The following RAI14 variants were observed in gnomAD, a reference collection of about 807,000 sequenced individuals.
RAI14 encodes retinoic acid induced 14.
In RAI14, 45 loss-of-function variants were observed where a neutral mutation model predicts 115.4. The observed-to-expected ratio is 0.39, with a 90% CI of 0.31 to 0.50. The LOEUF is 0.50. RAI14 is among the 20% of genes least tolerant of loss of function. The pLI, the probability that RAI14 is intolerant of heterozygous loss-of-function variation, is 0.85. For missense variants in RAI14, 939 were observed against 1,131.2 expected, an observed-to-expected ratio of 0.83 and a Z score of 2.44; for synonymous variants, 371 against 415.4, an observed-to-expected ratio of 0.89 and a Z score of 1.30.
At chr5:34,734,121 C>T (rs1192650600) in intron 2 of RAI14, among the ~76,000 whole-genome samples, 2 of 152,230 alleles carry the variant, frequency 1.3e-5, no homozygotes, top group East Asian at 1.9e-4. Context: ...AACCTACTGC[C>T]TTAGCAGATG....
chr5:34,804,729 C>A (rs1040915333), intron 5 of RAI14, among the ~76,000 whole-genome samples: 2 of 152,156 alleles, frequency 1.3e-5, no homozygotes, highest in African/African-American at 2.4e-5. Context: ...AGATTAATGT[C>A]TGTGATGTTG....
intron 2 of RAI14, among the ~76,000 whole-genome samples, chr5:34,720,688 G>T (rs1029688228): frequency 6.6e-6 from 1 of 151,938 alleles, no homozygotes; most frequent in African/African-American, 2.4e-5. Flanking sequence ...GGGATTACAG[G>T]CGTGAGCCAC....
intron 2 of RAI14, among the ~76,000 whole-genome samples, chr5:34,692,079 A>G (rs1738672038): frequency 6.6e-6 from 1 of 152,156 alleles, no homozygotes; most frequent in African/African-American, 2.4e-5. Context: ...CCTGGCCAAC[A>G]TGGCAAAACC....
chr5:34,832,381 A>G lies in RAI14; in HGVS notation c.*1616A>G, dbSNP rs1758077056. 6.5e-6 allele frequency: 1 copy of G among 152,696 alleles called. No individual in the cohort carries two copies. 9.5% of individuals were successfully genotyped at this position (152,696 alleles called of 1,614,324 possible). A position where few individuals can be genotyped will look rare whatever the true frequency, so the allele number is the denominator to read the frequency against. ...AGGACCTTTTGTCACAGCACTTCAG[A>G]AAATACACAACAGCCCCTTCTGCCC... On this transcript the variant is annotated 3_prime_UTR_variant, in exon 18 of 18. Coordinates refer to ENST00000265109, the MANE Select transcript of RAI14 (RefSeq NM_015577.3).
intron 3 of RAI14, among the ~76,000 whole-genome samples, chr5:34,793,594 G>A (rs755334832): frequency 4.6e-5 from 7 of 152,046 alleles, no homozygotes; most frequent in African/African-American, 7.2e-5. Flanking sequence ...TATATGTGTA[G>A]CTTTCTTTAC....
chr5:34,685,358 T>C (rs1378885573), intron 1 of RAI14, among the ~76,000 whole-genome samples: 1 of 152,154 alleles, frequency 6.6e-6, no homozygotes, highest in Non-Finnish European at 1.5e-5. Context: ...AACTCAGGAA[T>C]GGAAAACCAA....
chr5:34,659,780 A>G (rs1237691428), intron 1 of RAI14, among the ~76,000 whole-genome samples: 1 of 152,176 alleles, frequency 6.6e-6, no homozygotes, highest in African/African-American at 2.4e-5. Context: ...GGGTGCTTGT[A>G]TGGTCTTGGC....
intron 2 of RAI14, among the ~76,000 whole-genome samples, chr5:34,752,735 GTGTGTGTGTGTGTGTATA>G (rs1747241884): frequency 2.2e-5 from 2 of 90,988 alleles, no homozygotes; most frequent in East Asian, 3.0e-4. Context: ...GTGTGTGTGT[GTGTGTGTGTGTGTGTATA>G]TATATATATA....
At chr5:34,778,682 G>A (rs557952213) in intron 3 of RAI14, among the ~76,000 whole-genome samples, 48 of 151,518 alleles carry the variant, frequency 3.2e-4, no homozygotes, top group African/African-American at 9.0e-4. Flanking sequence ...TGGGAGAATC[G>A]CTTGAGGCCA....
intron 2 of RAI14, among the ~76,000 whole-genome samples, chr5:34,703,920 A>G (rs1740377065): frequency 1.3e-5 from 2 of 152,212 alleles, no homozygotes. Context: ...TCAATTGAGT[A>G]CATCCATCTT....
Position 34,772,456 on chromosome 5 carries a change from A to G in RAI14, c.167+14858A>G, listed in dbSNP as rs115899993. On this transcript the variant is annotated intron_variant, in intron 3 of 17. Transcript: ENST00000265109. Reference sequence around the variant, plus strand: ...TGCCTCAGTTTTCCTCGTCTGTTAAATGGGAGTAATAAAGTTTACTCCAAC... The same window carrying G: ...TGCCTCAGTTTTCCTCGTCTGTTAAGTGGGAGTAATAAAGTTTACTCCAAC... 7.2e-3 allele frequency among the ~76,000 whole-genome samples: 1,095 copies of G among 152,316 alleles called. 6 individuals carry two copies. The highest frequency in any genetic ancestry group is 0.012 in the Non-Finnish European group (810 of 68,014).
At chr5:34,796,078 T>C in intron 4 of RAI14, 51 bp downstream of exon 4, 1 of 1,420,190 alleles carries the variant, frequency 7.0e-7, no homozygotes, top group Non-Finnish European at 9.9e-7. Flanking sequence ...AGATTAGGTA[T>C]CAAAAAGTAA....
intron 3 of RAI14, among the ~76,000 whole-genome samples, chr5:34,782,467 T>A (rs543060624): frequency 1.1e-4 from 16 of 152,352 alleles, no homozygotes; most frequent in Middle Eastern, 6.8e-3. Flanking sequence ...TCCTAATGTG[T>A]CTGCAGCTCC....
intron 2 of RAI14, among the ~76,000 whole-genome samples, chr5:34,707,113 A>G (rs947126531): frequency 3.9e-5 from 6 of 152,190 alleles, no homozygotes; most frequent in African/African-American, 1.4e-4. Flanking sequence ...GGTTCTGCCA[A>G]TTACTTGTGT....
At chr5:34,807,627 A>T (rs1755083286) in intron 5 of RAI14, among the ~76,000 whole-genome samples, 173 bp from the exon 6 acceptor site, 1 of 152,132 alleles carries the variant, frequency 6.6e-6, no homozygotes, top group African/African-American at 2.4e-5. Flanking sequence ...TCCCAAAGAC[A>T]TGAGTCTCCT....
chr5:34,777,336 G>A (rs1750990925), intron 3 of RAI14, among the ~76,000 whole-genome samples: 1 of 152,100 alleles, frequency 6.6e-6, no homozygotes, highest in African/African-American at 2.4e-5. Flanking sequence ...AATACTATTT[G>A]GCCATAAAAA....
At chr5:34,760,020 T>A (rs900967454) in intron 3 of RAI14, among the ~76,000 whole-genome samples, 3 of 152,156 alleles carry the variant, frequency 2.0e-5, no homozygotes, top group Non-Finnish European at 4.4e-5. Flanking sequence ...GTTGTTGTTG[T>A]TGTTTGAGAT....
chr5:34,766,676 T>C (rs1394802280), intron 3 of RAI14, among the ~76,000 whole-genome samples: 1 of 152,206 alleles, frequency 6.6e-6, no homozygotes, highest in African/African-American at 2.4e-5. Context: ...TTTGGGTTAA[T>C]GCTGAAATGA....
chr5:34,688,015 A>G, intron 2 of RAI14: 1 of 1,342,230 alleles, frequency 7.5e-7, no homozygotes, highest in East Asian at 2.5e-5. Flanking sequence ...CCACTTAAAG[A>G]AAGAACTGGG....
Sources: gnomAD v4.1 joint callset for allele counts (sites outside exome capture counted in the v4.1 genomes callset) on GRCh38, gnomAD v4.1.1 for gene constraint, MANE v1.5 for transcripts, NCBI Gene and HGNC (gene_info 2026-07-23, HGNC 2026-07-21) for gene names.